Variants in PREP observed in about 807,000 individuals in gnomAD.
The protein encoded by PREP is dJ355L5.1 (prolyl endopeptidase).
A neutral mutation model predicts 87.6 loss-of-function variants in PREP; 29 were observed. That is an observed-to-expected ratio of 0.33 (90% confidence interval 0.25 to 0.45). The LOEUF (loss-of-function observed/expected upper bound fraction) is 0.45. Among genes scored for constraint, PREP ranks in the 20% least tolerant of loss-of-function variants. The pLI is 1.00. For synonymous variants in PREP, 337 were observed against 328.6 expected, an observed-to-expected ratio of 1.03 and a Z score of -0.28; for missense variants, 695 against 886.5, an observed-to-expected ratio of 0.78 and a Z score of 2.74.
chr6:105,288,900 A>C lies in PREP; in HGVS notation c.1318-6T>G, dbSNP rs1236092958. 6.2e-7 allele frequency: 1 copy of C among 1,610,114 alleles called. No homozygotes were observed. Among genetic ancestry groups the C allele is most frequent in the Non-Finnish European group, 8.5e-7 (1 of 1,176,720 alleles). ...TCCTTGCTAGGGTAGAAAATCTAGA[A>C]TATAAGAAAGCAGAATATAAGATTT... On this transcript the variant is annotated splice_region_variant and splice_polypyrimidine_tract_variant and intron_variant, in intron 10 of 14. Coordinates refer to ENST00000652536, the MANE Select transcript of PREP (RefSeq NM_002726.5).
chr6:105,300,355 A>C (rs780217218), intron 10 of PREP, among the ~76,000 whole-genome samples: 1 of 152,236 alleles, frequency 6.6e-6, no homozygotes, highest in Non-Finnish European at 1.5e-5. Context: ...TTGAAGACAG[A>C]TTATTAAAAC....
chr6:105,398,751 C>A lies in PREP; in HGVS notation c.46-824G>T, dbSNP rs183415291. Among the ~76,000 whole-genome samples the A allele has an allele frequency of 1.4e-3, 209 of 152,138 alleles. 1 individual carries two copies. Among genetic ancestry groups the A allele is most frequent in the African/African-American group, 4.7e-3 (197 of 41,518 alleles). ...TTTCACCACTCCTCAAGTGATTATGCCAAAAGAAATTATCCAGCAGTAAAA... is the reference window on the plus strand; with the variant it reads ...TTTCACCACTCCTCAAGTGATTATGACAAAAGAAATTATCCAGCAGTAAAA... On this transcript the variant is annotated intron_variant, in intron 1 of 14. Coordinates refer to ENST00000652536, the MANE Select transcript of PREP (RefSeq NM_002726.5).
intron 10 of PREP, among the ~76,000 whole-genome samples, chr6:105,318,256 T>C (rs1399369551): frequency 6.6e-6 from 1 of 152,138 alleles, no homozygotes; most frequent in Non-Finnish European, 1.5e-5. Context: ...TTTTCACCAA[T>C]AAGACATAAG....
At chr6:105,333,664 G>A (rs1248663377) in intron 7 of PREP, among the ~76,000 whole-genome samples, 159 bp from the exon 8 acceptor site, 4 of 152,142 alleles carry the variant, frequency 2.6e-5, no homozygotes, top group Admixed American at 2.6e-4. Flanking sequence ...CCAGTTGTGA[G>A]TAAATTGAAA....
chr6:105,279,689 T>G (rs1770032055), intron 14 of PREP, among the ~76,000 whole-genome samples: 1 of 152,154 alleles, frequency 6.6e-6, no homozygotes, highest in African/African-American at 2.4e-5. Context: ...TCCTAGCTAG[T>G]GTGGGCTGAG....
intron 10 of PREP, chr6:105,298,151 C>T (rs1770451539): frequency 6.6e-6 from 1 of 152,154 alleles, no homozygotes; most frequent in South Asian, 2.1e-4. Context: ...AGACGGTGGC[C>T]CCAGTCCCTG....
At chr6:105,376,959 G>A (rs901608844) in intron 3 of PREP, among the ~76,000 whole-genome samples, 2 of 152,130 alleles carry the variant, frequency 1.3e-5, no homozygotes, top group African/African-American at 4.8e-5. Context: ...TCTGTAAGTG[G>A]GTGTTAACGG....
chr6:105,348,886 A>G (rs1181017618), intron 7 of PREP, among the ~76,000 whole-genome samples: 1 of 151,976 alleles, frequency 6.6e-6, no homozygotes, highest in Non-Finnish European at 1.5e-5. Flanking sequence ...CTCAAAAAAA[A>G]AAAAAAAAGT....
chr6:105,376,428 A>G (rs1772689164), intron 3 of PREP, among the ~76,000 whole-genome samples, 173 bp from the exon 4 acceptor site: 1 of 152,174 alleles, frequency 6.6e-6, no homozygotes, highest in Admixed American at 6.6e-5. Flanking sequence ...ATTTCTCTCT[A>G]CCTAGAGCTT....
intron 7 of PREP, among the ~76,000 whole-genome samples, chr6:105,346,716 A>G (rs1771807768): frequency 1.3e-5 from 2 of 152,238 alleles, no homozygotes; most frequent in African/African-American, 4.8e-5. Context: ...GGAGGTTGTT[A>G]AGTTACTAAC....
At chr6:105,284,239 C>T (rs529682963) in intron 12 of PREP, among the ~76,000 whole-genome samples, 68 of 152,230 alleles carry the variant, frequency 4.5e-4, no homozygotes, top group African/African-American at 1.5e-3. Flanking sequence ...TAACTGGCAA[C>T]GATGGACCAG....
Position 105,277,835 on chromosome 6 carries a change from C to T in PREP, c.*309G>A, listed in dbSNP as rs1448400082. Reference sequence around the variant, plus strand: ...ATAGATAAGTATGCCCGACTATGATCCTTAATTCAGCAATCTAATATTCAC... The same window carrying T: ...ATAGATAAGTATGCCCGACTATGATTCTTAATTCAGCAATCTAATATTCAC... On this transcript the variant is annotated 3_prime_UTR_variant, in exon 15 of 15. Coordinates refer to ENST00000652536, the MANE Select transcript of PREP (RefSeq NM_002726.5). 5.2e-6 allele frequency: 2 copies of T among 381,180 alleles called. No individual in the cohort carries two copies. The highest frequency in any genetic ancestry group is 9.5e-6 in the Non-Finnish European group (2 of 210,638). 23.6% of individuals were successfully genotyped at this position (381,180 alleles called of 1,614,324 possible).
chr6:105,369,181 C>T (rs958784360), intron 5 of PREP, among the ~76,000 whole-genome samples, 157 bp from the exon 6 acceptor site: 18 of 152,112 alleles, frequency 1.2e-4, no homozygotes, highest in Admixed American at 2.6e-4. Context: ...ATACCAGCAA[C>T]GAACAAGTAG....
chr6:105,341,706 T>C (rs1370593660), intron 7 of PREP, among the ~76,000 whole-genome samples: 1 of 152,174 alleles, frequency 6.6e-6, no homozygotes, highest in Non-Finnish European at 1.5e-5. Context: ...ATAAAGGGGA[T>C]ATCACCACTG....
In PREP at chr6:105,356,404, C is replaced by T. The variant is rs145390945; in HGVS notation, c.718-3327G>A. Among the ~76,000 whole-genome samples, 118 of 152,308 alleles carry T rather than the reference C, an allele frequency of 7.7e-4. 1 individual carries two copies. Among genetic ancestry groups the T allele is most frequent in the African/African-American group, 2.7e-3 (112 of 41,556 alleles). The stretch of plus-strand genomic sequence containing the variant: ...TTTGGGAGTTGTCAGCTTACAGCCC[C>T]CTAGTAGTTCTTAGCTTGAATCATA... On this transcript the variant is annotated intron_variant, in intron 6 of 14. Coordinates refer to ENST00000652536, the MANE Select transcript of PREP (RefSeq NM_002726.5).
intron 10 of PREP, among the ~76,000 whole-genome samples, chr6:105,314,426 C>T (rs1770819285): frequency 6.6e-6 from 1 of 152,232 alleles, no homozygotes; most frequent in Admixed American, 6.5e-5. Flanking sequence ...TGAAGCCTCT[C>T]AAGCCCTGCC....
At chr6:105,376,285 TGTGGA>T (rs1772684557) in intron 3 of PREP, 30 bp from the exon 4 acceptor site, 1 of 1,598,278 alleles carries the variant, frequency 6.3e-7, no homozygotes, top group Admixed American at 1.7e-5. Context: ...TTTATTCAGC[TGTGGA>T]GTTTTCTATT....
rs1296553952 is a variant in PREP, at chr6:105,351,459, C to T, written c.823+1513G>A. Reference sequence around the variant, plus strand: ...GAGTACTCTCTTTTCTAAATGCTAACGCTGCAATAATAAAATAACTGGGTT... The same window carrying T: ...GAGTACTCTCTTTTCTAAATGCTAATGCTGCAATAATAAAATAACTGGGTT... On this transcript the variant is annotated intron_variant, in intron 7 of 14. Coordinates refer to ENST00000652536, the MANE Select transcript of PREP (RefSeq NM_002726.5). 8.5e-5 allele frequency among the ~76,000 whole-genome samples: 13 copies of T among 152,076 alleles called. No homozygotes were observed. In the South Asian group the frequency reaches 1.9e-3, roughly 22 times the overall value.
Position 105,333,408 on chromosome 6 carries a change from C to T in PREP, c.921G>A (p.Gln307=). 5 of 1,614,170 alleles carry T rather than the reference C, an allele frequency of 3.1e-6. No individual in the cohort carries two copies. Among genetic ancestry groups the T allele is most frequent in the Non-Finnish European group, 4.2e-6 (5 of 1,180,008 alleles). Residue 307 remains glutamine (Q), a synonymous_variant, in exon 8 of 15, where the codon CAG becomes CAA. Coordinates refer to ENST00000652536, the MANE Select transcript of PREP (RefSeq NM_002726.5). ...TGTTGATCACGCGATAGTTGGGAGA[C>T]TGGCGATTCGTCTTGAATGTGAACA... is the stretch of plus-strand genomic sequence containing the variant. ...GTVFTFKTNR[Q]SPNYRVINID...
Sources: gnomAD v4.1 joint callset for allele counts (sites outside exome capture counted in the v4.1 genomes callset) on GRCh38, gnomAD v4.1.1 for gene constraint, MANE v1.5 for transcripts, NCBI Gene and HGNC (gene_info 2026-07-23, HGNC 2026-07-21) for gene names.